RAD51B: variants seen among roughly 807,000 people sequenced by gnomAD.
RAD51B encodes RAD51 paralog B, also known as DNA repair protein RAD51 homolog 2.
Under a neutral mutation model 42.2 loss-of-function variants are expected in RAD51B, and 38 were observed. The ratio of observed to expected loss-of-function variants is 0.90; its 90% confidence interval spans 0.70 to 1.18. The LOEUF (loss-of-function observed/expected upper bound fraction) is 1.18. RAD51B is among the 50% of genes most tolerant of loss of function. The pLI is 0.00. For missense variants in RAD51B, 373 were observed against 400.7 expected (o/e 0.93, Z 0.59); for synonymous variants, 154 against 145.2 (o/e 1.06, Z -0.43).
At chr14:68,106,175 A>G (rs939125422) in intron 7 of RAD51B, among the ~76,000 whole-genome samples, 20 of 151,860 alleles carry the variant, frequency 1.3e-4, no homozygotes, top group African/African-American at 3.9e-4. Context: ...ATTTTTACAA[A>G]TATTTGTATT....
intron 7 of RAD51B, among the ~76,000 whole-genome samples, chr14:68,001,878 C>T (rs752339362): frequency 6.6e-6 from 1 of 152,166 alleles, no homozygotes; most frequent in Non-Finnish European, 1.5e-5. Context: ...GACATGGTCT[C>T]AATTTTTTTA....
chr14:68,044,761 C>T (rs544442055), intron 7 of RAD51B, among the ~76,000 whole-genome samples: 2 of 152,074 alleles, frequency 1.3e-5, no homozygotes, highest in South Asian at 4.2e-4. Flanking sequence ...CGCCCCCAAC[C>T]TTGTCTCTTT....
intron 10 of RAD51B, among the ~76,000 whole-genome samples, chr14:68,637,589 C>T (rs1892366555): frequency 6.6e-6 from 1 of 152,156 alleles, no homozygotes; most frequent in Admixed American, 6.5e-5. Flanking sequence ...GTGATTGCAG[C>T]ACAAAGGCAG....
At chr14:68,102,787 C>T (rs2077313058) in intron 7 of RAD51B, among the ~76,000 whole-genome samples, 1 of 152,154 alleles carries the variant, frequency 6.6e-6, no homozygotes, top group African/African-American at 2.4e-5. Context: ...CAGCACCCCA[C>T]TCTACTGGTA....
intron 9 of RAD51B, among the ~76,000 whole-genome samples, chr14:68,432,231 A>C (rs1295954613): frequency 6.6e-6 from 1 of 152,188 alleles, no homozygotes; most frequent in Non-Finnish European, 1.5e-5. Context: ...TATTCTGTTG[A>C]TTTGGGGTGG....
intron 7 of RAD51B, among the ~76,000 whole-genome samples, chr14:67,981,965 C>A (rs564539431): frequency 6.6e-6 from 1 of 152,270 alleles, no homozygotes; most frequent in East Asian, 1.9e-4. Flanking sequence ...GAGACAGAGT[C>A]TCGCATTGTC....
At chr14:67,908,598 T>G (rs1034464862) in intron 7 of RAD51B, 15 of 152,130 alleles carry the variant, frequency 9.9e-5, no homozygotes, top group African/African-American at 3.6e-4. Context: ...GACATTTGTT[T>G]TTTTATTTTG....
chr14:68,312,996 G>C (rs2081992025), intron 8 of RAD51B, among the ~76,000 whole-genome samples: 1 of 152,106 alleles, frequency 6.6e-6, no homozygotes, highest in African/African-American at 2.4e-5. Flanking sequence ...CAAGATGACT[G>C]GTTGCTGATT....
intron 3 of RAD51B, among the ~76,000 whole-genome samples, chr14:67,832,880 T>C (rs11623756): frequency 0.32 from 49,244 of 152,026 alleles, 8,320 homozygotes; most frequent in Middle Eastern, 0.45. Flanking sequence ...AAAAGGAACA[T>C]TAGAAAATAA....
At chr14:68,605,703 C>T (rs1595020835) in intron 10 of RAD51B, among the ~76,000 whole-genome samples, 1 of 152,184 alleles carries the variant, frequency 6.6e-6, no homozygotes, top group African/African-American at 2.4e-5. Flanking sequence ...ACATCTACAG[C>T]GACCCTATTT....
chr14:68,104,439 T>C (rs868666091), intron 7 of RAD51B, among the ~76,000 whole-genome samples: 24 of 152,258 alleles, frequency 1.6e-4, no homozygotes, highest in Middle Eastern at 3.4e-3. Context: ...CAATAAATAG[T>C]ATTATTACTA....
intron 10 of RAD51B, among the ~76,000 whole-genome samples, chr14:68,488,739 T>C (rs1883838586): frequency 6.6e-6 from 1 of 152,196 alleles, no homozygotes; most frequent in African/African-American, 2.4e-5. Context: ...AGCCCATCTC[T>C]CTCCAAGGCT....
At chr14:67,979,842 T>C (rs771526640) in intron 7 of RAD51B, among the ~76,000 whole-genome samples, 2 of 152,214 alleles carry the variant, frequency 1.3e-5, no homozygotes, top group Non-Finnish European at 2.9e-5. Flanking sequence ...AGATGTTAAA[T>C]ATATACTCTG....
intron 7 of RAD51B, among the ~76,000 whole-genome samples, chr14:67,997,502 C>T (rs949357013): frequency 5.9e-5 from 9 of 152,124 alleles, no homozygotes; most frequent in East Asian, 3.8e-4. Flanking sequence ...TTTGGTCTTT[C>T]GGCCTCTAGC....
At chr14:67,969,685 TTTAC>T (rs1457260649) in intron 7 of RAD51B, among the ~76,000 whole-genome samples, 1 of 152,176 alleles carries the variant, frequency 6.6e-6, no homozygotes, top group African/African-American at 2.4e-5. Context: ...TGATTTAGCT[TTTAC>T]TTAATTAGGA....
intron 7 of RAD51B, among the ~76,000 whole-genome samples, chr14:68,210,957 G>A (rs755644870): frequency 6.6e-6 from 1 of 152,082 alleles, no homozygotes; most frequent in Non-Finnish European, 1.5e-5. Flanking sequence ...TTTCATTTTC[G>A]CATTCCATTC....
intron 7 of RAD51B, among the ~76,000 whole-genome samples, chr14:68,152,702 G>T (rs2078414858): frequency 6.7e-6 from 1 of 148,456 alleles, no homozygotes; most frequent in Non-Finnish European, 1.5e-5. Context: ...CATTACCTAG[G>T]TACTAAGCTT....
intron 10 of RAD51B, among the ~76,000 whole-genome samples, chr14:68,513,314 C>T (rs1006866913): frequency 3.9e-5 from 6 of 152,188 alleles, no homozygotes; most frequent in Non-Finnish European, 7.3e-5. Context: ...CTACATGTTT[C>T]GACAGGGTGA....
At chr14:68,162,365 A>C (rs2078657694) in intron 7 of RAD51B, among the ~76,000 whole-genome samples, 1 of 152,176 alleles carries the variant, frequency 6.6e-6, no homozygotes, top group Non-Finnish European at 1.5e-5. Flanking sequence ...TTTTTTTCTT[A>C]AAATAGAAAT....
Sources: allele counts gnomAD v4.1 joint callset (sites outside exome capture counted in the v4.1 genomes callset), GRCh38; gene constraint gnomAD v4.1.1; transcripts MANE v1.5; gene names NCBI Gene and HGNC (gene_info 2026-07-23, HGNC 2026-07-21).